Variants in TMEM120A observed in about 807,000 individuals in gnomAD.
The protein encoded by TMEM120A is ion channel TACAN.
Under a neutral mutation model 54.3 loss-of-function variants are expected in TMEM120A, and 45 were observed. The ratio of observed to expected loss-of-function variants is 0.83; its 90% confidence interval spans 0.65 to 1.06. The LOEUF is 1.06. TMEM120A is among the 50% of genes least tolerant of loss of function. The pLI is 0.00. For synonymous variants in TMEM120A, 204 were observed against 178.5 expected (o/e 1.14, Z -1.14); for missense variants, 424 against 441.7 (o/e 0.96, Z 0.36).
At chr7:75,988,177 G>C (rs1789623411) in intron 6 of TMEM120A, 29 bp from the exon 7 acceptor site, 4 of 1,611,148 alleles carry the variant, frequency 2.5e-6, no homozygotes, top group African/African-American at 1.3e-5. Context: ...ATCACCCCCA[G>C]CGCCTGTTCC....
intron 1 of TMEM120A, 27 bp downstream of exon 1, chr7:75,994,463 C>T (rs368682808): frequency 6.5e-7 from 1 of 1,547,726 alleles, no homozygotes; most frequent in Admixed American, 2.0e-5. Context: ...GGCTCGGGGG[C>T]GACCCGGCGT....
chr7:75,992,534 C>A lies in TMEM120A; in HGVS notation c.105G>T (p.Leu35=). The change falls in exon 2 of 12, where the codon CTG becomes CTT. Residue 35 remains leucine (L), a synonymous_variant. Transcript: ENST00000493111. ...GAAGTTTGGTCAGCTCCTCCAGCTTCAGGCGGTAGAGCCGATGGGTCTCCT... is the reference window on the plus strand; with the variant it reads ...GAAGTTTGGTCAGCTCCTCCAGCTTAAGGCGGTAGAGCCGATGGGTCTCCT... ...NIQETHRLYR[L]KLEELTKLQN... 6.3e-7 allele frequency: 1 copy of A among 1,584,390 alleles called. No homozygotes were observed.
chr7:75,991,997 G>T, intron 3 of TMEM120A, 147 bp downstream of exon 3: 1 of 550,742 alleles, frequency 1.8e-6, no homozygotes. Flanking sequence ...TCAGCCAGGT[G>T]TCTCCCCTGA....
chr7:75,994,189 G>A (rs1789962296), intron 1 of TMEM120A, among the ~76,000 whole-genome samples: 1 of 152,208 alleles, frequency 6.6e-6, no homozygotes, highest in South Asian at 2.1e-4. Flanking sequence ...GCCCGCCCGT[G>A]TGTGACTCAG....
intron 1 of TMEM120A, among the ~76,000 whole-genome samples, chr7:75,993,939 C>T (rs1333581103): frequency 6.6e-6 from 1 of 151,868 alleles, no homozygotes; most frequent in Non-Finnish European, 1.5e-5. Context: ...CCCTGCAGGG[C>T]CTAGCCCCGC....
At chr7:75,987,623 G>A in intron 9 of TMEM120A, 21 bp from the exon 10 acceptor site, 2 of 1,606,212 alleles carry the variant, frequency 1.2e-6, no homozygotes, top group Non-Finnish European at 1.7e-6. Context: ...GAAGGTCAGG[G>A]CACAGGACGG....
chr7:75,992,087 C>T, intron 3 of TMEM120A, 57 bp downstream of exon 3: 2 of 1,272,268 alleles, frequency 1.6e-6, no homozygotes, highest in Non-Finnish European at 2.2e-6. Context: ...GAGGAGGCAG[C>T]ACCCGGCTTC....
intron 1 of TMEM120A, 23 bp downstream of exon 1, chr7:75,994,467 C>G: frequency 7.7e-6 from 12 of 1,550,674 alleles, no homozygotes; most frequent in Non-Finnish European, 9.6e-6. Flanking sequence ...CGGGGGCGAC[C>G]CGGCGTCCGC....
chr7:75,994,049 G>C (rs1789953875), intron 1 of TMEM120A, among the ~76,000 whole-genome samples: 1 of 150,672 alleles, frequency 6.6e-6, no homozygotes. Context: ...TCGGCGGCGC[G>C]CGGTATCCCT....
intron 1 of TMEM120A, among the ~76,000 whole-genome samples, chr7:75,993,279 G>A (rs1789919202): frequency 6.6e-6 from 1 of 152,206 alleles, no homozygotes; most frequent in Non-Finnish European, 1.5e-5. Context: ...TTCCAGTACA[G>A]GAGGAGCTCA....
At chr7:75,992,888 C>T (rs1274123241) in intron 1 of TMEM120A, among the ~76,000 whole-genome samples, 4 of 152,176 alleles carry the variant, frequency 2.6e-5, no homozygotes, top group African/African-American at 7.2e-5. Flanking sequence ...CTCCAACCTC[C>T]GCCTCCCGGG....
chr7:75,989,914 T>G (rs1169881600), intron 3 of TMEM120A, among the ~76,000 whole-genome samples: 2 of 152,062 alleles, frequency 1.3e-5, no homozygotes, highest in African/African-American at 4.8e-5. Flanking sequence ...ATCTTGCCCT[T>G]CTCTGCCAGA....
Position 75,994,518 on chromosome 7 carries a change from T to G in TMEM120A, c.53A>C (p.Asp18Ala). 6.4e-7 allele frequency: 1 copy of G among 1,566,264 alleles called. No homozygotes were observed. The highest frequency in any genetic ancestry group is 1.4e-5 in the African/African-American group (1 of 73,150). The change falls in exon 1 of 12, where the codon GAT becomes GCT. Residue 18 changes from aspartate (D) to alanine (A), a missense_variant. By Grantham distance (126) the Asp-to-Ala change is moderately radical. Transcript: ENST00000493111. ...GATGTTCTGGAAGTCCTGCTGTAGA[T>G]CCTCCCAGTCCCGCAGGCAGTCGCC... ...PLGDCLRDWE[D>A]LQQDFQNIQE...
At chr7:75,993,671 G>GC (rs1789930153) in intron 1 of TMEM120A, among the ~76,000 whole-genome samples, 1 of 152,178 alleles carries the variant, frequency 6.6e-6, no homozygotes, top group Non-Finnish European at 1.5e-5. Context: ...CCATCAGCTG[G>GC]CCAGGGCTCT....
intron 8 of TMEM120A, 23 bp downstream of exon 8, chr7:75,987,900 G>C: frequency 6.2e-7 from 1 of 1,600,468 alleles, no homozygotes; most frequent in Non-Finnish European, 8.5e-7. Flanking sequence ...CCAGGGCTCA[G>C]CACAGACATC....
chr7:75,986,929 C>A lies in TMEM120A; in HGVS notation c.*243G>T. 1.7e-6 allele frequency: 1 copy of A among 596,630 alleles called. No homozygotes were observed. The highest frequency in any genetic ancestry group is 3.0e-6 in the Non-Finnish European group (1 of 336,232). 37.0% of individuals were successfully genotyped at this position (596,630 alleles called of 1,614,324 possible). On this transcript the variant is annotated 3_prime_UTR_variant, in exon 12 of 12. Coordinates refer to ENST00000493111, the MANE Select transcript of TMEM120A (RefSeq NM_031925.3). Reference sequence around the variant, plus strand: ...TTAACTAACTCAGACCCCAGGAACCCATGTGGTGGGGCCACCCAGCCCTCC... The same window carrying A: ...TTAACTAACTCAGACCCCAGGAACCAATGTGGTGGGGCCACCCAGCCCTCC...
chr7:75,989,131 T>G (rs781872408), intron 4 of TMEM120A, 34 bp downstream of exon 4: 3,304 of 325,978 alleles, frequency 0.01, 80 homozygotes, highest in South Asian at 0.051. Flanking sequence ...GGTGGAGGGG[T>G]GGAGGTTGGG....
In TMEM120A at chr7:75,987,087, C is replaced by A. The variant is rs754963819; in HGVS notation, c.*85G>T. On this transcript the variant is annotated 3_prime_UTR_variant, in exon 12 of 12. Transcript: ENST00000493111. ...GGAGAATAGAAGAGACCCCCTGATA[C>A]ACGCACACTCGAGGGGCGCCTCCCA... The A allele has an allele frequency of 8.8e-6, 10 of 1,135,660 alleles. No individual in the cohort carries two copies. Among genetic ancestry groups the A allele is most frequent in the Middle Eastern group, 1.9e-4 (1 of 5,168 alleles). 70.3% of individuals were successfully genotyped at this position (1,135,660 alleles called of 1,614,324 possible).
chr7:75,988,468 G>A lies in TMEM120A; in HGVS notation c.426C>T (p.Ile142=), dbSNP rs782383685. ...EYEKFKLYLT[I]ILILISFTCR... ...AAGTGAAGGAGATGAGGATGAGGAT[G>A]ATGGTGAGGTAGAGCTTGAACTTCT... is the stretch of plus-strand genomic sequence containing the variant. The change falls in exon 5 of 12, where the codon ATC becomes ATT. Residue 142 remains isoleucine, a synonymous_variant. Coordinates refer to ENST00000493111, the MANE Select transcript of TMEM120A (RefSeq NM_031925.3). The A allele has an allele frequency of 6.2e-7, 1 of 1,610,588 alleles. No individual in the cohort carries two copies. Among genetic ancestry groups the A allele is most frequent in the Non-Finnish European group, 8.5e-7 (1 of 1,179,474 alleles).
Sources: gnomAD v4.1 joint callset for allele counts (sites outside exome capture counted in the v4.1 genomes callset) on GRCh38, gnomAD v4.1.1 for gene constraint, MANE v1.5 for transcripts, NCBI Gene and HGNC (gene_info 2026-07-23, HGNC 2026-07-21) for gene names.